Variants in VPS13B observed in about 807,000 individuals in gnomAD.
VPS13B encodes the protein vacuolar protein sorting 13 homolog B, also known as intermembrane lipid transfer protein VPS13B.
Under a neutral mutation model 426.4 loss-of-function variants are expected in VPS13B, and 285 were observed. That is an observed-to-expected ratio of 0.67 (90% CI 0.61 to 0.74). The LOEUF (loss-of-function observed/expected upper bound fraction) is 0.74. VPS13B is among the 30% of genes least tolerant of loss of function. The probability of loss-of-function intolerance (pLI) is 0.00; values close to 1 mark genes in which losing one functional copy is unlikely to be tolerated. For synonymous variants in VPS13B, 1,676 were observed against 1,676.4 expected (o/e 1.00, Z 0.01); for missense variants, 4,537 against 4,782.6 (o/e 0.95, Z 1.51).
chr8:99,556,399 A>C (rs534185657), intron 30 of VPS13B, 51 bp from the exon 31 acceptor site: 1 of 1,568,612 alleles, frequency 6.4e-7, no homozygotes, highest in African/African-American at 1.4e-5. Flanking sequence ...TAGAATGGTT[A>C]TTTTATCTGT....
intron 17 of VPS13B, among the ~76,000 whole-genome samples, chr8:99,245,409 G>A (rs1817161929): frequency 6.6e-6 from 1 of 152,120 alleles, no homozygotes; most frequent in East Asian, 1.9e-4. Context: ...TGCTTCCTAA[G>A]CATTTATTAC....
chr8:99,128,860 CT>C (rs1809592524), intron 8 of VPS13B, among the ~76,000 whole-genome samples: 1 of 152,056 alleles, frequency 6.6e-6, no homozygotes, highest in Non-Finnish European at 1.5e-5. Flanking sequence ...TTTAAGATAG[CT>C]GGACTCAGTG....
At chr8:99,183,525 A>T (rs1471337884) in intron 16 of VPS13B, among the ~76,000 whole-genome samples, 1 of 152,168 alleles carries the variant, frequency 6.6e-6, no homozygotes, top group African/African-American at 2.4e-5. Flanking sequence ...AGTTCTCAGT[A>T]AGCACAGAGT....
intron 24 of VPS13B, among the ~76,000 whole-genome samples, chr8:99,468,715 A>T (rs1351218293): frequency 6.6e-6 from 1 of 151,774 alleles, no homozygotes; most frequent in Non-Finnish European, 1.5e-5. Flanking sequence ...ATAAAGCAAG[A>T]CTCTTTCTCT....
chr8:99,045,825 T>G (rs899938673), intron 3 of VPS13B, among the ~76,000 whole-genome samples: 9 of 152,198 alleles, frequency 5.9e-5, no homozygotes, highest in African/African-American at 1.9e-4. Context: ...CTTTATGTGT[T>G]TGTTTGCTTT....
At chr8:99,556,698 T>C (rs781100997) in intron 31 of VPS13B, 45 bp downstream of exon 31, 2 of 1,590,490 alleles carry the variant, frequency 1.3e-6, no homozygotes, top group African/African-American at 1.3e-5. Context: ...AATACTTCAT[T>C]GCCAGAATAG....
intron 19 of VPS13B, among the ~76,000 whole-genome samples, chr8:99,365,078 G>A (rs950886027): frequency 6.6e-6 from 1 of 150,876 alleles, no homozygotes; most frequent in Non-Finnish European, 1.5e-5. Context: ...GTTGCTGATA[G>A]TAGCCACTAA....
chr8:99,208,642 C>T (rs1296374882), intron 17 of VPS13B, among the ~76,000 whole-genome samples: 3 of 152,012 alleles, frequency 2.0e-5, no homozygotes, highest in Non-Finnish European at 4.4e-5. Context: ...AAAGTGAATA[C>T]TTATTTTAAT....
At position 99,705,731 on chromosome 8, in the gene VPS13B, A is replaced by G. The variant is rs911953773; in HGVS notation, c.6454+5799A>G. Among the ~76,000 whole-genome samples, 7 of 152,234 alleles carry G rather than the reference A, an allele frequency of 4.6e-5. No individual in the cohort carries two copies. In the East Asian group the frequency reaches 1.4e-3, roughly 29 times the overall value. ...CATTTTTAAAATGTTGTTTATGTAC[A>G]TTTTTGTTTTAGTGCTGTGTGGTTG... is the stretch of plus-strand genomic sequence containing the variant. On this transcript the variant is annotated intron_variant, in intron 36 of 61. Coordinates refer to ENST00000357162, the MANE Select transcript of VPS13B (RefSeq NM_152564.5).
chr8:99,462,162 C>T (rs1818872931), intron 23 of VPS13B, among the ~76,000 whole-genome samples: 1 of 150,472 alleles, frequency 6.6e-6, no homozygotes, highest in Non-Finnish European at 1.5e-5. Flanking sequence ...TCCTCCCTCC[C>T]TTTCTCCCTC....
intron 40 of VPS13B, among the ~76,000 whole-genome samples, chr8:99,767,475 G>T: frequency 1.3e-5 from 1 of 77,926 alleles, no homozygotes; most frequent in African/African-American, 5.1e-5. Flanking sequence ...TCCCCTAGGT[G>T]ACAAAGTGCA....
At chr8:99,434,818 C>T (rs1414970143) in intron 22 of VPS13B, among the ~76,000 whole-genome samples, 1 of 152,154 alleles carries the variant, frequency 6.6e-6, no homozygotes, top group Non-Finnish European at 1.5e-5. Flanking sequence ...CTATATTTCA[C>T]CAGTCTCAGC....
intron 33 of VPS13B, among the ~76,000 whole-genome samples, chr8:99,628,795 G>A (rs1307971685): frequency 6.6e-6 from 1 of 151,276 alleles, no homozygotes; most frequent in East Asian, 1.9e-4. Context: ...TTTTAAGGGG[G>A]CAGACAGGAT....
At chr8:99,255,628 G>T (rs544737881) in intron 17 of VPS13B, among the ~76,000 whole-genome samples, 1 of 152,252 alleles carries the variant, frequency 6.6e-6, no homozygotes, top group South Asian at 2.1e-4. Flanking sequence ...GGCCAGGGGG[G>T]ATTCTTGTTA....
At chr8:99,550,163 TAGG>T (rs1824202635) in intron 30 of VPS13B, among the ~76,000 whole-genome samples, 1 of 152,062 alleles carries the variant, frequency 6.6e-6, no homozygotes, top group Admixed American at 6.6e-5. Flanking sequence ...GCTGTTTTGA[TAGG>T]AGAATATAAT....
intron 17 of VPS13B, among the ~76,000 whole-genome samples, chr8:99,272,066 A>T (rs2132986199): frequency 6.6e-6 from 1 of 152,332 alleles, no homozygotes; most frequent in South Asian, 2.1e-4. Context: ...TTGAGAGATT[A>T]TGAGTCTTCT....
At chr8:99,462,713 T>C (rs1216674598) in intron 23 of VPS13B, among the ~76,000 whole-genome samples, 1 of 152,178 alleles carries the variant, frequency 6.6e-6, no homozygotes, top group Non-Finnish European at 1.5e-5. Context: ...TCCAATGTGA[T>C]GTTTATGAGG....
At chr8:99,252,648 G>A (rs1817559986) in intron 17 of VPS13B, among the ~76,000 whole-genome samples, 1 of 151,910 alleles carries the variant, frequency 6.6e-6, no homozygotes, top group African/African-American at 2.4e-5. Context: ...AAATATAATT[G>A]TAGATTTATA....
rs35700362 is a variant in VPS13B, at chr8:99,249,427, GTT to G, written c.2516-24755_2516-24754del. 1.1e-3 allele frequency among the ~76,000 whole-genome samples: 126 copies of G among 117,682 alleles called. 1 individual carries two copies. Among genetic ancestry groups the G allele is most frequent in the South Asian group, 7.0e-3 (24 of 3,448 alleles). The allele number at this position is 117,682 out of a possible 152,430, so 77.2% of individuals were successfully genotyped here. A position where few individuals can be genotyped will look rare whatever the true frequency, so the allele number is the denominator to read the frequency against. Reference sequence around the variant, plus strand: ...TACTGGGCTATACGGTAGTTGAATGGTTTTTTTTTTTTTTTTTGAGATGGAGT... The same window carrying G: ...TACTGGGCTATACGGTAGTTGAATGGTTTTTTTTTTTTTTTGAGATGGAGT... On this transcript the variant is annotated intron_variant, in intron 17 of 61. Coordinates refer to ENST00000357162, the MANE Select transcript of VPS13B (RefSeq NM_152564.5).
Sources: allele counts gnomAD v4.1 joint callset (sites outside exome capture counted in the v4.1 genomes callset), GRCh38; gene constraint gnomAD v4.1.1; transcripts MANE v1.5; gene names NCBI Gene and HGNC (gene_info 2026-07-23, HGNC 2026-07-21).